Variants in AKR1C8 observed in about 807,000 individuals in gnomAD.
The protein encoded by AKR1C8 is aldo-keto reductase family 1 member C8.
chr10:5,131,654 T>C, the AKR1C8 span, among the ~76,000 whole-genome samples: 3 of 147,754 alleles, frequency 2.0e-5, no homozygotes, highest in Non-Finnish European at 4.5e-5. Context: ...CCTGCAAGAA[T>C]GGTTATAATT....
the AKR1C8 span, among the ~76,000 whole-genome samples, chr10:5,176,419 C>T: frequency 1.4e-5 from 2 of 148,074 alleles, no homozygotes; most frequent in African/African-American, 5.0e-5. Context: ...TGTGATGCCT[C>T]CAGCTTTCTT....
chr10:5,162,271 C>T, the AKR1C8 span, among the ~76,000 whole-genome samples: 1 of 152,176 alleles, frequency 6.6e-6, no homozygotes, highest in East Asian at 1.9e-4. Flanking sequence ...CAAAATGAGT[C>T]AAGAAATGGC....
At chr10:5,175,665 A>G in the AKR1C8 span, among the ~76,000 whole-genome samples, 2 of 152,250 alleles carry the variant, frequency 1.3e-5, no homozygotes, top group South Asian at 4.1e-4. Context: ...AATGATTGCC[A>G]TTCTAACTGG....
At chr10:5,145,388 C>T in the AKR1C8 span, among the ~76,000 whole-genome samples, 1 of 152,106 alleles carries the variant, frequency 6.6e-6, no homozygotes, top group Non-Finnish European at 1.5e-5. Context: ...GCAAAAGAAA[C>T]TACCATCAGA....
chr10:5,161,662 T>C, the AKR1C8 span: 13 of 531,920 alleles, frequency 2.4e-5, no homozygotes, highest in African/African-American at 2.3e-4. Context: ...GGGACAAGGA[T>C]AGACAGAAAA....
the AKR1C8 span, among the ~76,000 whole-genome samples, chr10:5,146,645 G>A: frequency 6.6e-6 from 1 of 152,094 alleles, no homozygotes; most frequent in African/African-American, 2.4e-5. Flanking sequence ...CTTTTGAATA[G>A]TTATGGAAAA....
chr10:5,138,663 A>T, the AKR1C8 span, among the ~76,000 whole-genome samples: 2 of 152,244 alleles, frequency 1.3e-5, no homozygotes, highest in African/African-American at 4.8e-5. Flanking sequence ...ATTATTTGGG[A>T]ACTGATAAAT....
chr10:5,164,602 C>G, the AKR1C8 span, among the ~76,000 whole-genome samples: 116 of 152,238 alleles, frequency 7.6e-4, 2 homozygotes, highest in East Asian at 0.019. Flanking sequence ...GGGCCCCTGT[C>G]AGTGAATAGG....
At chr10:5,140,958 T>C in the AKR1C8 span, among the ~76,000 whole-genome samples, 10,653 of 152,206 alleles carry the variant, frequency 0.07, 427 homozygotes, top group Middle Eastern at 0.089. Context: ...ACAATGAAAT[T>C]TGCCTCATTG....
At chr10:5,143,899 G>A in the AKR1C8 span, among the ~76,000 whole-genome samples, 1 of 151,820 alleles carries the variant, frequency 6.6e-6, no homozygotes, top group East Asian at 1.9e-4. Flanking sequence ...AACCAAACTT[G>A]AGAATACTAA....
chr10:5,179,720 C>T, the AKR1C8 span, among the ~76,000 whole-genome samples: 6 of 151,980 alleles, frequency 3.9e-5, no homozygotes, highest in South Asian at 2.1e-4. Flanking sequence ...TCATTTCATT[C>T]GTTTCATCTT....
the AKR1C8 span, among the ~76,000 whole-genome samples, chr10:5,176,767 T>A: frequency 6.6e-6 from 1 of 152,196 alleles, no homozygotes; most frequent in Non-Finnish European, 1.5e-5. Context: ...ACTCATGATT[T>A]GGCTCTCTGT....
the AKR1C8 span, among the ~76,000 whole-genome samples, chr10:5,158,062 TAC>T: frequency 6.6e-6 from 1 of 152,126 alleles, no homozygotes; most frequent in African/African-American, 2.4e-5. Context: ...TGGAAAGAAC[TAC>T]AGATACTCAC....
the AKR1C8 span, among the ~76,000 whole-genome samples, chr10:5,121,431 C>G: frequency 6.6e-6 from 1 of 152,168 alleles, no homozygotes; most frequent in East Asian, 1.9e-4. Context: ...TTTCATAATT[C>G]ATTTATCATT....
the AKR1C8 span, chr10:5,132,494 G>T: frequency 1.9e-6 from 2 of 1,058,960 alleles, no homozygotes; most frequent in Non-Finnish European, 2.5e-6. Flanking sequence ...TCAATAAATT[G>T]GAACCAATAA....
chr10:5,177,978 C>G, the AKR1C8 span, among the ~76,000 whole-genome samples: 1 of 152,068 alleles, frequency 6.6e-6, no homozygotes, highest in African/African-American at 2.4e-5. Context: ...TCTCTATTTC[C>G]TTCAGTTCTG....
At chr10:5,146,889 ATCAC>A in the AKR1C8 span, among the ~76,000 whole-genome samples, 12 of 152,318 alleles carry the variant, frequency 7.9e-5, no homozygotes, top group African/African-American at 2.9e-4. Flanking sequence ...GGGTATTAAG[ATCAC>A]TCACTCAGGA....
the AKR1C8 span, among the ~76,000 whole-genome samples, chr10:5,152,089 C>A: frequency 2.5e-4 from 38 of 152,058 alleles, no homozygotes; most frequent in Admixed American, 2.6e-4. Context: ...AGCATACTAT[C>A]AGGTAAATAA....
chr10:5,178,112 C>T, the AKR1C8 span, among the ~76,000 whole-genome samples: 3 of 151,996 alleles, frequency 2.0e-5, no homozygotes, highest in Admixed American at 2.0e-4. Flanking sequence ...TTCTTGTGGG[C>T]ATTTAGTGCT....
Sources: allele counts gnomAD v4.1 joint callset (sites outside exome capture counted in the v4.1 genomes callset), GRCh38; gene constraint gnomAD v4.1.1; transcripts MANE v1.5; gene names NCBI Gene and HGNC (gene_info 2026-07-23, HGNC 2026-07-21).